DCAF8L2: variants seen among roughly 807,000 people sequenced by gnomAD.
DCAF8L2 encodes the protein DDB1 and CUL4 associated factor 8 like 2.
For synonymous variants in DCAF8L2, 200 were observed against 190.9 expected (o/e 1.05, Z -0.39); for missense variants, 430 against 490.7 (o/e 0.88, Z 1.17).
chrX:27,727,365 A>G (rs1395728713), intron 4 of DCAF8L2, among the ~76,000 whole-genome samples: 2 of 111,134 alleles, frequency 1.8e-5, no homozygotes, highest in South Asian at 3.8e-4. Flanking sequence ...CGATATGTCA[A>G]TCTTTCCCGT....
the DCAF8L2 span, among the ~76,000 whole-genome samples, chrX:27,521,466 T>A: frequency 8.9e-6 from 1 of 112,254 alleles, no homozygotes; most frequent in South Asian, 3.7e-4. Flanking sequence ...GAAGTTAAGC[T>A]TTAATCTCCA....
At chrX:27,653,954 T>C (rs900754995) in intron 2 of DCAF8L2, among the ~76,000 whole-genome samples, 1 of 111,846 alleles carries the variant, frequency 8.9e-6, no homozygotes, top group Non-Finnish European at 1.9e-5. Flanking sequence ...CTGAAATTAT[T>C]AACGTGCATA....
At chrX:27,612,917 G>T (rs1355800444) in intron 1 of DCAF8L2, among the ~76,000 whole-genome samples, 1 of 111,779 alleles carries the variant, frequency 8.9e-6, no homozygotes, top group African/African-American at 3.3e-5. Context: ...GCTGAGGATT[G>T]TCTTGGCAAT....
the DCAF8L2 span, among the ~76,000 whole-genome samples, chrX:27,568,087 G>A: frequency 9.0e-6 from 1 of 111,366 alleles, no homozygotes; most frequent in Non-Finnish European, 1.9e-5. Context: ...GACATAGAAT[G>A]TTAGCATGGG....
intron 1 of DCAF8L2, among the ~76,000 whole-genome samples, chrX:27,608,857 T>C (rs2147133605): frequency 9.0e-6 from 1 of 110,909 alleles, no homozygotes; most frequent in East Asian, 2.9e-4. Flanking sequence ...AGCTCAGGCC[T>C]GGTGTCCAAC....
chrX:27,725,150 A>G (rs931878135), intron 4 of DCAF8L2, among the ~76,000 whole-genome samples: 4 of 111,015 alleles, frequency 3.6e-5, no homozygotes, highest in African/African-American at 9.8e-5. Context: ...CAAGACAGAA[A>G]GACTCCATCC....
intron 1 of DCAF8L2, among the ~76,000 whole-genome samples, chrX:27,603,866 C>T (rs1926759371): frequency 9.0e-6 from 1 of 111,700 alleles, no homozygotes; most frequent in African/African-American, 3.2e-5. Context: ...TACTCATTGA[C>T]ATGTTGAGAG....
the DCAF8L2 span, among the ~76,000 whole-genome samples, chrX:27,556,362 C>T: frequency 9.0e-6 from 1 of 111,480 alleles, no homozygotes; most frequent in African/African-American, 3.3e-5. Flanking sequence ...TATGTACCAG[C>T]ATTTCATTAA....
chrX:27,514,263 GCATAT>G, the DCAF8L2 span, among the ~76,000 whole-genome samples: 1 of 37,149 alleles, frequency 2.7e-5, no homozygotes, highest in African/African-American at 4.6e-5. Flanking sequence ...ATATATGTGT[GCATAT>G]GTGCACATAT....
chrX:27,475,530 T>G, the DCAF8L2 span, among the ~76,000 whole-genome samples: 1 of 111,768 alleles, frequency 8.9e-6, no homozygotes, highest in Non-Finnish European at 1.9e-5. Flanking sequence ...ACTCAGAGGT[T>G]TAGTCCTGGA....
chrX:27,595,256 A>G (rs1926297373), intron 1 of DCAF8L2, among the ~76,000 whole-genome samples: 1 of 111,606 alleles, frequency 9.0e-6, no homozygotes, highest in African/African-American at 3.3e-5. Context: ...TTAGAATGCT[A>G]GATTCTTTCT....
At chrX:27,546,116 A>G in the DCAF8L2 span, among the ~76,000 whole-genome samples, 1 of 112,251 alleles carries the variant, frequency 8.9e-6, no homozygotes, top group Non-Finnish European at 1.9e-5. Flanking sequence ...ATGTGGATGC[A>G]GGCATTCTGG....
chrX:27,711,006 T>G, intron 3 of DCAF8L2, among the ~76,000 whole-genome samples: 1 of 112,093 alleles, frequency 8.9e-6, no homozygotes, highest in Non-Finnish European at 1.9e-5. Flanking sequence ...AATGACAAAA[T>G]ATACACCTAC....
rs201108106 is a variant in DCAF8L2, at chrX:27,595,846, G to GAAAC, written c.-342+5430_-342+5433dup. ...AACATGGTGAAACACCATCTCTACT[G>GAAAC]AAACAAACAAACAAACAAACAAACA... On this transcript the variant is annotated intron_variant, in intron 1 of 4. Transcript: ENST00000451261. Among the ~76,000 whole-genome samples the GAAAC allele has an allele frequency of 2.9e-4, 32 of 109,395 alleles. No individual in the cohort carries two copies. In the East Asian group the frequency reaches 5.1e-3, roughly 17 times the overall value. The allele number at this position is 109,395 out of a possible 115,157, so 95.0% of individuals were successfully genotyped here. A position where few individuals can be genotyped will look rare whatever the true frequency, so the allele number is the denominator to read the frequency against.
At chrX:27,737,151 A>T (rs1921572269) in intron 4 of DCAF8L2, among the ~76,000 whole-genome samples, 1 of 111,977 alleles carries the variant, frequency 8.9e-6, no homozygotes, top group South Asian at 3.7e-4. Flanking sequence ...CGGCAAATAT[A>T]AATGGATATA....
At chrX:27,616,378 AT>A (rs1299578920) in intron 1 of DCAF8L2, among the ~76,000 whole-genome samples, 2 of 111,203 alleles carry the variant, frequency 1.8e-5, no homozygotes, top group South Asian at 7.5e-4. Context: ...TAATAAAAAA[AT>A]CAATTACCTG....
chrX:27,531,370 C>T, the DCAF8L2 span, among the ~76,000 whole-genome samples: 1 of 111,640 alleles, frequency 9.0e-6, no homozygotes, highest in South Asian at 3.8e-4. Context: ...GATTCAATTA[C>T]CCGCCTTGGG....
chrX:27,736,137 G>C (rs770585764), intron 4 of DCAF8L2, among the ~76,000 whole-genome samples: 2 of 110,374 alleles, frequency 1.8e-5, no homozygotes, highest in Non-Finnish European at 3.8e-5. Context: ...ACCCCATTCT[G>C]TCCCTTCAAT....
At chrX:27,649,397 A>C (rs1377884112) in intron 2 of DCAF8L2, among the ~76,000 whole-genome samples, 3 of 112,411 alleles carry the variant, frequency 2.7e-5, no homozygotes, top group Non-Finnish European at 5.6e-5. Context: ...TACTTTCCAC[A>C]GTGGCTGAAC....
Sources: gnomAD v4.1 joint callset for allele counts (sites outside exome capture counted in the v4.1 genomes callset) on GRCh38, gnomAD v4.1.1 for gene constraint, MANE v1.5 for transcripts, NCBI Gene and HGNC (gene_info 2026-07-23, HGNC 2026-07-21) for gene names.